Variants in ITPR1 observed in about 807,000 individuals in gnomAD.
ITPR1 encodes inositol 1,4,5-trisphosphate receptor type 1, also known as inositol 1,4,5-trisphosphate-gated calcium channel ITPR1.
In ITPR1, 96 loss-of-function variants were observed where a neutral mutation model predicts 318.4. That is an observed-to-expected ratio of 0.30 (90% confidence interval 0.26 to 0.36). The LOEUF (loss-of-function observed/expected upper bound fraction) is 0.36, where lower values mean the gene tolerates loss of function less well. Among genes scored for constraint, ITPR1 ranks in the 10% least tolerant of loss-of-function variants. ITPR1 has a pLI of 1.00. For missense variants in ITPR1, 2,440 were observed against 3,460.2 expected (o/e 0.71, Z 7.40); for synonymous variants, 1,312 against 1,289.9 (o/e 1.02, Z -0.37).
At chr3:4,764,950 A>C (rs765417732) in intron 44 of ITPR1, among the ~76,000 whole-genome samples, 4 of 3,562 alleles carry the variant, frequency 1.1e-3, no homozygotes, top group East Asian at 0.045. Flanking sequence ...GGGTGGCTGG[A>C]TGGATGGATG....
In ITPR1 at chr3:4,806,184, GA is replaced by G; in HGVS notation, c.7190del (p.Asp2397ValfsTer12). On this transcript the variant is annotated frameshift_variant, in exon 55 of 62. Transcript: ENST00000649015. LOFTEE classifies it high-confidence loss of function. ...FTRGYRAMVL[D>X]VEFLYHLLYL... is the part of the protein sequence containing the mutation. ...AAGAGGCTACCGAGCCATGGTTCTG[GA>G]TGTTGAGTTCCTCTATCATTTGTTG... is the stretch of plus-strand genomic sequence containing the variant. 1 of 1,613,970 alleles carries G rather than the reference GA, an allele frequency of 6.2e-7. No homozygotes were observed. Among genetic ancestry groups the G allele is most frequent in the Non-Finnish European group, 8.5e-7 (1 of 1,179,802 alleles).
chr3:4,610,884 T>TC (rs1238164748), intron 4 of ITPR1, among the ~76,000 whole-genome samples: 1 of 129,524 alleles, frequency 7.7e-6, no homozygotes, highest in African/African-American at 3.0e-5. Context: ...TTCCTCTCTC[T>TC]CCCCTTCCCC....
Position 4,580,218 on chromosome 3 carries a change from A to C in ITPR1, c.164-47545A>C, listed in dbSNP as rs184942573. On this transcript the variant is annotated intron_variant, in intron 4 of 61. Coordinates refer to ENST00000649015, the MANE Select transcript of ITPR1 (RefSeq NM_001378452.1). Reference sequence around the variant, plus strand: ...GAGCCAGACTCCGTCTCAAAAAAAAACCAAAAAACCTTTATTATTATTTTT... The same window carrying C: ...GAGCCAGACTCCGTCTCAAAAAAAACCCAAAAAACCTTTATTATTATTTTT... Among the ~76,000 whole-genome samples the C allele has an allele frequency of 9.5e-3, 1,453 of 152,258 alleles. 19 individuals are homozygous for C. The highest frequency in any genetic ancestry group is 0.033 in the African/African-American group (1,350 of 41,538).
At chr3:4,761,200 G>A (rs529999835) in intron 44 of ITPR1, among the ~76,000 whole-genome samples, 9 of 152,172 alleles carry the variant, frequency 5.9e-5, no homozygotes, top group South Asian at 2.1e-4. Flanking sequence ...TATATTGTGC[G>A]ATGCTGAGGT....
rs771026165 is a variant in ITPR1 at position 4,684,304 on chromosome 3, G to A, written c.3522G>A (p.Lys1174=). 1 of 1,612,758 alleles carries A rather than the reference G, an allele frequency of 6.2e-7. No homozygotes were observed. The highest frequency in any genetic ancestry group is 8.5e-7 in the Non-Finnish European group (1 of 1,179,192). ...KTEEGNNKPQ[K]HESTSSYNYR... Reference sequence around the variant, plus strand: ...AGGAGGGAAATAACAAGCCACAAAAGCATGAAAGCACCAGCAGCTACAACT... The same window carrying A: ...AGGAGGGAAATAACAAGCCACAAAAACATGAAAGCACCAGCAGCTACAACT... The change falls in exon 29 of 62, where the codon AAG becomes AAA. Residue 1174 remains lysine, a synonymous_variant. Coordinates refer to ENST00000649015, the MANE Select transcript of ITPR1 (RefSeq NM_001378452.1).
At chr3:4,767,851 T>A (rs1203705404) in intron 45 of ITPR1, among the ~76,000 whole-genome samples, 2 of 152,148 alleles carry the variant, frequency 1.3e-5, no homozygotes, top group Non-Finnish European at 2.9e-5. Context: ...TTCAGACTCA[T>A]GTCACCACCG....
chr3:4,640,458 A>G (rs1419233992), intron 6 of ITPR1, among the ~76,000 whole-genome samples: 1 of 152,210 alleles, frequency 6.6e-6, no homozygotes, highest in African/African-American at 2.4e-5. Context: ...CATCCTCTTC[A>G]GAATGGACAC....
rs138823549 is a variant in ITPR1, at chr3:4,683,167, C to T, written c.3162-219C>T. ...CTTGTCACTTTGGCTTAAAATTTGA[C>T]TTATCTTTTAATATGACATCTTCCT... On this transcript the variant is annotated intron_variant, in intron 26 of 61. Coordinates refer to ENST00000649015, the MANE Select transcript of ITPR1 (RefSeq NM_001378452.1). 8.5e-5 allele frequency among the ~76,000 whole-genome samples: 13 copies of T among 152,338 alleles called. No homozygotes were observed. The East Asian group carries it at 2.5e-3, about 29-fold the overall frequency.
Position 4,662,254 on chromosome 3 carries a change from C to A in ITPR1, c.1412+12C>A. The stretch of plus-strand genomic sequence containing the variant: ...CAGAATGAAAGGAGGTGAGCACTCC[C>A]GCATGCTCAGCACAGCCGCCCTCCC... On this transcript the variant is annotated intron_variant, in intron 15 of 61. Transcript: ENST00000649015. The A allele has an allele frequency of 6.3e-7, 1 of 1,581,950 alleles. No individual in the cohort carries two copies.
intron 4 of ITPR1, among the ~76,000 whole-genome samples, chr3:4,579,016 C>CA (rs1168355750): frequency 5.3e-5 from 8 of 152,272 alleles, no homozygotes; most frequent in African/African-American, 1.7e-4. Context: ...GCTGATTTTG[C>CA]TTCCAGGCGA....
At chr3:4,817,327 A>G (rs1348598439) in intron 59 of ITPR1, 1 of 152,230 alleles carries the variant, frequency 6.6e-6, no homozygotes, top group African/African-American at 2.4e-5. Flanking sequence ...GTGCAGATCT[A>G]GAGGAGAGGT....
intron 2 of ITPR1, among the ~76,000 whole-genome samples, chr3:4,510,325 A>C (rs1379425654): frequency 2.0e-5 from 3 of 152,200 alleles, no homozygotes; most frequent in African/African-American, 7.2e-5. Flanking sequence ...GGTTTTAAGC[A>C]GGGAAATGAT....
intron 5 of ITPR1, among the ~76,000 whole-genome samples, chr3:4,638,086 G>A (rs956438206): frequency 5.3e-5 from 8 of 152,142 alleles, no homozygotes; most frequent in African/African-American, 1.9e-4. Context: ...AGATAATGAA[G>A]CCGGTAGGTA....
Position 4,735,192 on chromosome 3 carries a change from C to A in ITPR1, c.5382C>A (p.Ser1794Arg). 6.2e-7 allele frequency: 1 copy of A among 1,613,868 alleles called. No homozygotes were observed. The highest frequency in any genetic ancestry group is 8.5e-7 in the Non-Finnish European group (1 of 1,179,802). Residue 1794 changes from serine to arginine, a missense_variant, in exon 44 of 62, where the codon AGC (serine) becomes AGA (arginine). By Grantham distance (110) the Ser-to-Arg change is moderately radical (BLOSUM62 -1). Coordinates refer to ENST00000649015, the MANE Select transcript of ITPR1 (RefSeq NM_001378452.1). Reference protein sequence around the residue: ...GGGGSGSSSMSRGEMSLAEVQ... With the variant: ...GGGGSGSSSMRRGEMSLAEVQ... ...GAGGTTCCGGATCCAGCTCTATGAG[C>A]AGGGGTGAGATGAGTCTGGCCGAGG...
chr3:4,697,063 G>T (rs903150366), intron 33 of ITPR1, 84 bp from the exon 34 acceptor site: 3 of 1,263,014 alleles, frequency 2.4e-6, no homozygotes, highest in Admixed American at 4.0e-5. Context: ...CATTTTCATC[G>T]GTCCTTGCTG....
chr3:4,736,452 C>A (rs1575068772), intron 44 of ITPR1, among the ~76,000 whole-genome samples: 1 of 152,264 alleles, frequency 6.6e-6, no homozygotes, highest in Admixed American at 6.5e-5. Flanking sequence ...CCAGCCAGCA[C>A]CCTTGTGCCT....
At chr3:4,784,883 C>T (rs34758081) in intron 51 of ITPR1, among the ~76,000 whole-genome samples, 11,870 of 151,670 alleles carry the variant, frequency 0.078, 554 homozygotes, top group South Asian at 0.13. Context: ...GGCGACAGAG[C>T]AAGCTGTCTC....
At chr3:4,613,717 T>G (rs955247893) in intron 4 of ITPR1, among the ~76,000 whole-genome samples, 4 of 152,220 alleles carry the variant, frequency 2.6e-5, no homozygotes, top group African/African-American at 9.7e-5. Flanking sequence ...AGGGAAAATT[T>G]GTTTTCCATT....
At chr3:4,839,018 G>C (rs1312846179) in intron 61 of ITPR1, among the ~76,000 whole-genome samples, 1 of 152,202 alleles carries the variant, frequency 6.6e-6, no homozygotes, top group Non-Finnish European at 1.5e-5. Context: ...GTTGAGCTGA[G>C]GAATTAGAGT....
Sources: gnomAD v4.1 joint callset for allele counts (sites outside exome capture counted in the v4.1 genomes callset) on GRCh38, gnomAD v4.1.1 for gene constraint, MANE v1.5 for transcripts, NCBI Gene and HGNC (gene_info 2026-07-23, HGNC 2026-07-21) for gene names.